Variants in NLRP8 observed in about 807,000 individuals in gnomAD.
The protein encoded by NLRP8 is NLR family pyrin domain containing 8, also known as NACHT, LRR and PYD domains-containing protein 8.
A neutral mutation model predicts 88.7 loss-of-function variants in NLRP8; 86 were observed. The ratio of observed to expected loss-of-function variants is 0.97; its 90% CI spans 0.81 to 1.16. The LOEUF (loss-of-function observed/expected upper bound fraction) is 1.16. Among genes scored for constraint, NLRP8 ranks in the 50% most tolerant of loss-of-function variants. The pLI is 0.00. For missense variants in NLRP8, 1,342 were observed against 1,286.5 expected, an observed-to-expected ratio of 1.04 and a Z score of -0.66; for synonymous variants, 504 against 494.6, an observed-to-expected ratio of 1.02 and a Z score of -0.25.
At position 55,970,462 on chromosome 19, in the gene NLRP8, A is replaced by G. The variant is rs549140563; in HGVS notation, c.2382-82A>G. Reference sequence around the variant, plus strand: ...GAGTCTCTGCTGTGAAGACTGAGACATGAGACAGTGGAATCCAGGAGGTCC... The same window carrying G: ...GAGTCTCTGCTGTGAAGACTGAGACGTGAGACAGTGGAATCCAGGAGGTCC... On this transcript the variant is annotated intron_variant, in intron 5 of 9. Transcript: ENST00000291971. The G allele has an allele frequency of 4.1e-6, 6 of 1,478,796 alleles. No individual in the cohort carries two copies. In the Admixed American group the frequency reaches 9.5e-5, roughly 23 times the overall value. The allele number at this position is 1,478,796 out of a possible 1,614,324, so 91.6% of individuals were successfully genotyped here.
rs138307208 is a variant in NLRP8, at chr19:55,955,878, C to G, written c.1820C>G (p.Pro607Arg). 1.2e-5 allele frequency: 19 copies of G among 1,613,988 alleles called. No homozygotes were observed. The highest frequency in any genetic ancestry group is 1.6e-5 in the Non-Finnish European group (19 of 1,180,028). Reference sequence around the variant, plus strand: ...CCACCTTCTCCGGGCAGTGGGGTCCCGCAGTTATTCTACTGTCTGCATGAA... The same window carrying G: ...CCACCTTCTCCGGGCAGTGGGGTCCGGCAGTTATTCTACTGTCTGCATGAA... The change falls in exon 3 of 10, where the codon CCG becomes CGG. Residue 607 changes from proline to arginine, a missense_variant. Coordinates refer to ENST00000291971, the MANE Select transcript of NLRP8 (RefSeq NM_176811.2).
At position 55,985,164 on chromosome 19, in the gene NLRP8, G is replaced by A. The variant is rs570363053; in HGVS notation, c.3048-2650G>A. ...TAAAGATACAAAAAATTAGCCAGGCGTGGTGGCGGGCGCCTGTAATCCCAG... is the reference window on the plus strand; with the variant it reads ...TAAAGATACAAAAAATTAGCCAGGCATGGTGGCGGGCGCCTGTAATCCCAG... On this transcript the variant is annotated intron_variant, in intron 9 of 9. Transcript: ENST00000291971. Among the ~76,000 whole-genome samples, 50 of 152,190 alleles carry A rather than the reference G, an allele frequency of 3.3e-4. 1 individual carries two copies. The highest frequency in any genetic ancestry group is 6.8e-3 in the Middle Eastern group (2 of 294).
intron 3 of NLRP8, among the ~76,000 whole-genome samples, chr19:55,957,625 G>C (rs546933878): frequency 1.4e-5 from 2 of 147,298 alleles, no homozygotes; most frequent in Non-Finnish European, 1.5e-5. Context: ...GGCAGAGGCT[G>C]CAGATAGCCG....
chr19:55,972,317 G>A (rs1449347554), intron 6 of NLRP8, among the ~76,000 whole-genome samples: 4 of 151,542 alleles, frequency 2.6e-5, no homozygotes, highest in East Asian at 1.9e-4. Flanking sequence ...GTTTTGCCAC[G>A]TTGGCCAGGC....
At chr19:55,985,890 C>T (rs1382483880) in intron 9 of NLRP8, among the ~76,000 whole-genome samples, 4 of 152,238 alleles carry the variant, frequency 2.6e-5, no homozygotes, top group Non-Finnish European at 5.9e-5. Flanking sequence ...GTGGTACACA[C>T]CTGTAGTCCC....
Position 55,955,099 on chromosome 19 carries a change from A to C in NLRP8, c.1041A>C (p.Lys347Asn). 1 of 1,614,142 alleles carries C rather than the reference A, an allele frequency of 6.2e-7. No individual in the cohort carries two copies. The highest frequency in any genetic ancestry group is 8.5e-7 in the Non-Finnish European group (1 of 1,179,994). The change falls in exon 3 of 10, where the codon AAA becomes AAC. Residue 347 changes from lysine to asparagine, a missense_variant. Transcript: ENST00000291971. ...GGCAGACATGCAAGCCCTTGCTGAA[A>C]TGTCCCTCTCTCGTAACCCTTCCGG...
At chr19:55,978,924 C>CA (rs1044852418) in intron 8 of NLRP8, among the ~76,000 whole-genome samples, 2 of 151,508 alleles carry the variant, frequency 1.3e-5, no homozygotes, top group African/African-American at 4.8e-5. Flanking sequence ...ACTCAGTCTC[C>CA]AAAAAAAATT....
chr19:55,954,810 C>G lies in NLRP8; in HGVS notation c.752C>G (p.Thr251Arg), dbSNP rs764375811. The G allele has an allele frequency of 6.8e-6, 11 of 1,614,064 alleles. No individual in the cohort carries two copies. The highest frequency in any genetic ancestry group is 4.4e-5 in the South Asian group (4 of 91,088). The stretch of plus-strand genomic sequence containing the variant: ...TTCCATTGCCAAGAGGTGAACCAGA[C>G]GACAGACCAGAGCTTCTCCGAGCTG... The change falls in exon 3 of 10, where the codon ACG becomes AGG. Residue 251 changes from threonine to arginine, a missense_variant. Thr to Arg is a moderately conservative substitution (Grantham distance 71). Transcript: ENST00000291971.
chr19:55,978,942 A>G (rs1980461365), intron 8 of NLRP8, among the ~76,000 whole-genome samples: 1 of 152,030 alleles, frequency 6.6e-6, no homozygotes, highest in African/African-American at 2.4e-5. Context: ...ATTTTTTTTT[A>G]AAAAGATCCA....
chr19:55,972,809 A>ATGTGTGTG (rs3055424), intron 6 of NLRP8, among the ~76,000 whole-genome samples: 4 of 135,036 alleles, frequency 3.0e-5, no homozygotes, highest in South Asian at 2.5e-4. Flanking sequence ...GTGTGTGTGT[A>ATGTGTGTG]TGTGTGTGTG....
intron 8 of NLRP8, among the ~76,000 whole-genome samples, chr19:55,977,039 CA>C (rs1980372270): frequency 6.8e-6 from 1 of 147,044 alleles, no homozygotes. Flanking sequence ...GAGATCACAC[CA>C]CTGTACTCCA....
chr19:55,956,056 C>T lies in NLRP8; in HGVS notation c.1998C>T (p.Phe666=), dbSNP rs1279495421. The T allele has an allele frequency of 6.2e-7, 1 of 1,614,070 alleles. No homozygotes were observed. The highest frequency in any genetic ancestry group is 8.5e-7 in the Non-Finnish European group (1 of 1,179,954). Residue 666 remains phenylalanine (F), a synonymous_variant, in exon 3 of 10, where the codon TTC becomes TTT. Transcript: ENST00000291971. ...TGGAACTGACCGTCACCCTGAACTT[C>T]ATGAACGTGTGGAAGCTCAGCTCCA... is the stretch of plus-strand genomic sequence containing the variant.
intron 5 of NLRP8, among the ~76,000 whole-genome samples, chr19:55,968,100 A>G (rs762114288): frequency 1.3e-5 from 2 of 152,254 alleles, no homozygotes; most frequent in Non-Finnish European, 2.9e-5. Flanking sequence ...TATAATTTTC[A>G]TATGTCACAA....
chr19:55,968,065 T>C (rs548683782), intron 5 of NLRP8, among the ~76,000 whole-genome samples: 1 of 152,340 alleles, frequency 6.6e-6, no homozygotes, highest in East Asian at 1.9e-4. Flanking sequence ...AATAAAACTT[T>C]ATGAACACTG....
chr19:55,948,472 C>A (rs1978952890), intron 1 of NLRP8, among the ~76,000 whole-genome samples: 4 of 152,114 alleles, frequency 2.6e-5, no homozygotes, highest in African/African-American at 4.8e-5. Context: ...TTTCGCTCTT[C>A]TTGCCCAGGC....
chr19:55,968,548 C>G (rs1387216908), intron 5 of NLRP8, among the ~76,000 whole-genome samples: 3 of 152,056 alleles, frequency 2.0e-5, no homozygotes, highest in South Asian at 2.1e-4. Flanking sequence ...TGAGACCAGC[C>G]TGGCCAACAT....
chr19:55,974,260 C>G lies in NLRP8; in HGVS notation c.2705+438C>G, dbSNP rs371545966. ...GGCCGAGTTAGGTCAGAGCTACACT[C>G]TCTTATAGACTAAGAGTTTTTAAAG... On this transcript the variant is annotated intron_variant, in intron 7 of 9. Coordinates refer to ENST00000291971, the MANE Select transcript of NLRP8 (RefSeq NM_176811.2). Among the ~76,000 whole-genome samples, 20 of 152,244 alleles carry G rather than the reference C, an allele frequency of 1.3e-4. No homozygotes were observed. The South Asian group carries it at 3.1e-3, about 24-fold the overall frequency.
intron 9 of NLRP8, 97 bp downstream of exon 9, chr19:55,979,661 G>A: frequency 7.6e-7 from 1 of 1,323,000 alleles, no homozygotes. Flanking sequence ...GTGCATGCCT[G>A]TAATCCCAGC....
intron 8 of NLRP8, among the ~76,000 whole-genome samples, chr19:55,978,934 T>C (rs185954798): frequency 3.4e-5 from 5 of 148,990 alleles, no homozygotes; most frequent in African/African-American, 9.7e-5. Context: ...CAAAAAAAAT[T>C]TTTTTTTAAA....
Sources: gnomAD v4.1 joint callset for allele counts (sites outside exome capture counted in the v4.1 genomes callset) on GRCh38, gnomAD v4.1.1 for gene constraint, MANE v1.5 for transcripts, NCBI Gene and HGNC (gene_info 2026-07-23, HGNC 2026-07-21) for gene names.